Variants in FAM53A observed in about 807,000 individuals in gnomAD.
FAM53A encodes family with sequence similarity 53 member A.
Under a neutral mutation model 26.6 loss-of-function variants are expected in FAM53A, and 28 were observed. The observed-to-expected ratio is 1.05, with a 90% CI of 0.78 to 1.45. The LOEUF (loss-of-function observed/expected upper bound fraction) is 1.45, where lower values mean the gene tolerates loss of function less well. FAM53A is among the 40% of genes most tolerant of loss of function. FAM53A has a pLI of 0.00. For missense variants in FAM53A, 650 were observed against 575.8 expected (o/e 1.13, Z -1.32); for synonymous variants, 290 against 253.1 (o/e 1.15, Z -1.38).
At chr4:1,585,755 C>G in the FAM53A span, among the ~76,000 whole-genome samples, 1 of 152,318 alleles carries the variant, frequency 6.6e-6, no homozygotes, top group South Asian at 2.1e-4. Context: ...GAGACAGGGT[C>G]TCACTCTGTC....
chr4:1,614,993 G>A (rs529118683), downstream of FAM53A, among the ~76,000 whole-genome samples: 3 of 152,150 alleles, frequency 2.0e-5, no homozygotes, highest in Non-Finnish European at 4.4e-5. Context: ...CATGGCACAC[G>A]CAAACCACAA....
chr4:1,626,919 C>T (rs1170912283), intron 1 of FAM53A, among the ~76,000 whole-genome samples: 1 of 152,146 alleles, frequency 6.6e-6, no homozygotes, highest in Non-Finnish European at 1.5e-5. Flanking sequence ...GCCAGCCCTC[C>T]CCCAGCCTCC....
At chr4:1,600,555 C>T in the FAM53A span, among the ~76,000 whole-genome samples, 55 of 152,332 alleles carry the variant, frequency 3.6e-4, no homozygotes, top group East Asian at 9.1e-3. Flanking sequence ...AGGCCCCACA[C>T]GGCCAGGGTG....
intron 2 of FAM53A, among the ~76,000 whole-genome samples, chr4:1,664,876 G>A (rs911788839): frequency 1.3e-5 from 2 of 152,126 alleles, no homozygotes; most frequent in Non-Finnish European, 2.9e-5. Flanking sequence ...TACTGAGGAG[G>A]CTGAGGCAGG....
intron 2 of FAM53A, among the ~76,000 whole-genome samples, chr4:1,663,071 C>T (rs980103143): frequency 1.3e-5 from 2 of 151,956 alleles, no homozygotes; most frequent in African/African-American, 4.8e-5. Context: ...TGGTGGCATG[C>T]GCCTGTAGTC....
intron 4 of FAM53A, among the ~76,000 whole-genome samples, chr4:1,643,858 C>T (rs954158409): frequency 1.2e-4 from 18 of 152,292 alleles, no homozygotes; most frequent in African/African-American, 4.1e-4. Flanking sequence ...TGAGCCACCA[C>T]GCCCAGCCCC....
intron 2 of FAM53A, among the ~76,000 whole-genome samples, chr4:1,667,614 C>A (rs1324941670): frequency 6.6e-6 from 1 of 152,204 alleles, no homozygotes; most frequent in South Asian, 2.1e-4. Flanking sequence ...GACCCTCAGA[C>A]CCTCACTGGA....
At chr4:1,588,816 T>A in the FAM53A span, among the ~76,000 whole-genome samples, 1 of 152,244 alleles carries the variant, frequency 6.6e-6, no homozygotes, top group South Asian at 2.1e-4. Flanking sequence ...TTATTATGCA[T>A]AAATGGACAA....
the FAM53A span, chr4:1,580,317 G>C: frequency 1.3e-5 from 2 of 152,144 alleles, no homozygotes; most frequent in African/African-American, 4.8e-5. Context: ...GCCCTACACC[G>C]GCGGCCAGTC....
At chr4:1,612,224 A>C in the FAM53A span, among the ~76,000 whole-genome samples, 6 of 152,330 alleles carry the variant, frequency 3.9e-5, no homozygotes, top group East Asian at 1.2e-3. Context: ...TTTATACTGA[A>C]CCATAAACAA....
At chr4:1,654,557 C>A (rs1428453334) in intron 4 of FAM53A, among the ~76,000 whole-genome samples, 1 of 152,262 alleles carries the variant, frequency 6.6e-6, no homozygotes, top group Non-Finnish European at 1.5e-5. Context: ...CAAGAGAGGA[C>A]CCCGGGCTCT....
the FAM53A span, among the ~76,000 whole-genome samples, chr4:1,589,401 T>A: frequency 2.8e-3 from 431 of 152,312 alleles, 4 homozygotes; most frequent in East Asian, 0.028. Context: ...AATTTTTTTA[T>A]TGAAAGGCCT....
chr4:1,577,073 C>T, the FAM53A span, among the ~76,000 whole-genome samples: 2 of 151,704 alleles, frequency 1.3e-5, no homozygotes, highest in Non-Finnish European at 2.9e-5. Context: ...TGAGCGGGTA[C>T]GGTGGGGACA....
At chr4:1,590,991 T>C in the FAM53A span, among the ~76,000 whole-genome samples, 3 of 127,854 alleles carry the variant, frequency 2.3e-5, 1 homozygote, top group Admixed American at 7.6e-5. Context: ...TATATATATA[T>C]ATATATATAT....
intron 1 of FAM53A, among the ~76,000 whole-genome samples, chr4:1,621,076 T>A (rs975224332): frequency 3.3e-5 from 5 of 150,466 alleles, no homozygotes; most frequent in Admixed American, 2.7e-4. Context: ...AGGGGACCCT[T>A]TTCCTAGCTG....
the FAM53A span, among the ~76,000 whole-genome samples, chr4:1,605,769 G>A: frequency 6.6e-6 from 1 of 152,144 alleles, no homozygotes; most frequent in African/African-American, 2.4e-5. This position sits in a 1 kb window ranked among gnomAD's most constrained non-coding sequence, Gnocchi z 5.7. Flanking sequence ...GAAACCCTGG[G>A]GCGGGCACAG....
At chr4:1,651,992 T>TCA (rs1304778156) in intron 4 of FAM53A, among the ~76,000 whole-genome samples, 4 of 108,752 alleles carry the variant, frequency 3.7e-5, no homozygotes, top group Non-Finnish European at 6.0e-5. Context: ...CACGCACACC[T>TCA]CACACACACA....
intron 4 of FAM53A, among the ~76,000 whole-genome samples, chr4:1,649,194 GGGGAAA>G (rs562652479): frequency 4.9e-5 from 7 of 143,852 alleles, no homozygotes; most frequent in African/African-American, 8.1e-5. Context: ...GGAAGGGGAA[GGGGAAA>G]GGGAAAGGGA....
the FAM53A span, among the ~76,000 whole-genome samples, chr4:1,592,975 C>T: frequency 6.6e-6 from 1 of 152,124 alleles, no homozygotes; most frequent in Non-Finnish European, 1.5e-5. Context: ...ACGGAACCGG[C>T]CCTGATTCGG....
Sources: gnomAD v4.1 joint callset for allele counts (sites outside exome capture counted in the v4.1 genomes callset) on GRCh38, gnomAD v4.1.1 for gene constraint, Gnocchi (gnomAD v3.1) non-coding constraint, MANE v1.5 for transcripts, NCBI Gene and HGNC (gene_info 2026-07-23, HGNC 2026-07-21) for gene names.